SCUBE1: variants seen among roughly 807,000 people sequenced by gnomAD.
The protein encoded by SCUBE1 is signal peptide, CUB and EGF-like domain-containing protein 1.
Under a neutral mutation model 124.4 loss-of-function variants are expected in SCUBE1, and 59 were observed. The observed-to-expected ratio is 0.47, with a 90% CI of 0.38 to 0.59. SCUBE1 has a LOEUF of 0.59. Among genes scored for constraint, SCUBE1 ranks in the 20% least tolerant of loss-of-function variants. The pLI is 0.00. For missense variants in SCUBE1, 1,150 were observed against 1,371.2 expected (o/e 0.84, Z 2.55); for synonymous variants, 545 against 550.9 (o/e 0.99, Z 0.15).
intron 10 of SCUBE1, among the ~76,000 whole-genome samples, chr22:43,226,888 G>A (rs1370187375): frequency 6.6e-6 from 1 of 152,080 alleles, no homozygotes; most frequent in Non-Finnish European, 1.5e-5. Context: ...CAGGGACCAT[G>A]GGCTTTCCAG....
Position 43,315,382 on chromosome 22 carries a change from C to A in SCUBE1, c.349+4555G>T, listed in dbSNP as rs538503019. 1.4e-4 allele frequency among the ~76,000 whole-genome samples: 22 copies of A among 152,290 alleles called. 1 individual carries two copies. The South Asian group carries it at 4.4e-3, about 30-fold the overall frequency. On this transcript the variant is annotated intron_variant, in intron 3 of 21. Coordinates refer to ENST00000360835, the MANE Select transcript of SCUBE1 (RefSeq NM_173050.5). Reference sequence around the variant, plus strand: ...GAATTTGAGCCTAAATCTTCAAACTCCAAGCCCAGCTGACTCTTACAGCAT... The same window carrying A: ...GAATTTGAGCCTAAATCTTCAAACTACAAGCCCAGCTGACTCTTACAGCAT...
chr22:43,271,521 G>A (rs1360352520), intron 4 of SCUBE1, among the ~76,000 whole-genome samples: 4 of 152,280 alleles, frequency 2.6e-5, no homozygotes, highest in African/African-American at 9.6e-5. Flanking sequence ...CTGCCGTTCT[G>A]GCTCCCCCTG....
chr22:43,226,228 G>A (rs11705633), intron 10 of SCUBE1, among the ~76,000 whole-genome samples: 11,296 of 152,260 alleles, frequency 0.074, 492 homozygotes, highest in Non-Finnish European at 0.1. Flanking sequence ...TGGACAGACA[G>A]ACAGACATAC....
intron 2 of SCUBE1, among the ~76,000 whole-genome samples, chr22:43,324,412 C>T (rs1436533687): frequency 6.6e-6 from 1 of 152,196 alleles, no homozygotes; most frequent in East Asian, 1.9e-4. Context: ...GAGCATCTCT[C>T]AGAACAACCA....
chr22:43,330,953 G>T (rs5759287), intron 2 of SCUBE1, among the ~76,000 whole-genome samples: 2 of 151,856 alleles, frequency 1.3e-5, no homozygotes, highest in Admixed American at 6.6e-5. Flanking sequence ...TTCTCTCCCC[G>T]CTGAGCCTCC....
chr22:43,252,430 G>A (rs537924112), intron 6 of SCUBE1, among the ~76,000 whole-genome samples: 1 of 152,322 alleles, frequency 6.6e-6, no homozygotes, highest in African/African-American at 2.4e-5. Flanking sequence ...GGGGATCTGA[G>A]CATCCGAGCC....
intron 6 of SCUBE1, among the ~76,000 whole-genome samples, chr22:43,251,054 G>T (rs574048598): frequency 8.5e-5 from 13 of 152,300 alleles, no homozygotes; most frequent in African/African-American, 3.1e-4. Flanking sequence ...CAGGGCTGTG[G>T]GGGAGACTCA....
At chr22:43,239,875 C>T (rs1922933831) in intron 6 of SCUBE1, among the ~76,000 whole-genome samples, 1 of 152,234 alleles carries the variant, frequency 6.6e-6, no homozygotes, top group Non-Finnish European at 1.5e-5. Flanking sequence ...GCCTTGGCAT[C>T]ACCTGGACTC....
chr22:43,261,279 G>A (rs761494396), intron 5 of SCUBE1, among the ~76,000 whole-genome samples: 64 of 152,248 alleles, frequency 4.2e-4, no homozygotes, highest in Admixed American at 2.8e-3. Context: ...GGGGCTGGAG[G>A]CTGGCACTTC....
intron 3 of SCUBE1, among the ~76,000 whole-genome samples, chr22:43,315,612 G>C (rs1926317328): frequency 6.6e-6 from 1 of 152,112 alleles, no homozygotes; most frequent in Non-Finnish European, 1.5e-5. Context: ...GAAAGAGAAA[G>C]CCTGAACAGA....
At chr22:43,274,164 C>T (rs1415851314) in intron 4 of SCUBE1, among the ~76,000 whole-genome samples, 2 of 152,344 alleles carry the variant, frequency 1.3e-5, no homozygotes, top group South Asian at 4.1e-4. Context: ...TCACTCACCT[C>T]CTGAGCTTTA....
chr22:43,300,852 A>G (rs1295581168), intron 3 of SCUBE1, among the ~76,000 whole-genome samples: 1 of 150,922 alleles, frequency 6.6e-6, no homozygotes, highest in African/African-American at 2.4e-5. Flanking sequence ...TTGCCCCCAA[A>G]CCCCCAGGCC....
chr22:43,240,172 CA>C (rs1175069757), intron 6 of SCUBE1, among the ~76,000 whole-genome samples: 2 of 152,226 alleles, frequency 1.3e-5, no homozygotes, highest in East Asian at 3.9e-4. Flanking sequence ...TCCTCATGGT[CA>C]CGGCTGAGCC....
chr22:43,301,184 C>T (rs769071319), intron 3 of SCUBE1, among the ~76,000 whole-genome samples: 8 of 152,278 alleles, frequency 5.3e-5, no homozygotes, highest in Non-Finnish European at 1.0e-4. Flanking sequence ...AACACATTCG[C>T]TCCCCTCCAG....
In SCUBE1 at chr22:43,258,077, C is replaced by A; in HGVS notation, c.727+142G>T. On this transcript the variant is annotated intron_variant, in intron 6 of 21. Coordinates refer to ENST00000360835, the MANE Select transcript of SCUBE1 (RefSeq NM_173050.5). The surrounding 1 kb of genome is among the most constrained non-coding windows in gnomAD (Gnocchi z 5.0). The stretch of plus-strand genomic sequence containing the variant: ...GGGGCGCCGGCCATCCCCGCCATTG[C>A]CATGGGCTTGCCTTTCCTTGTTTCC... 1.4e-6 allele frequency: 1 copy of A among 692,468 alleles called. No individual in the cohort carries two copies. Among genetic ancestry groups the A allele is most frequent in the Non-Finnish European group, 2.5e-6 (1 of 392,200 alleles). 42.9% of individuals were successfully genotyped at this position (692,468 alleles called of 1,614,324 possible).
chr22:43,286,575 G>A (rs1925153058), intron 4 of SCUBE1, among the ~76,000 whole-genome samples: 1 of 152,228 alleles, frequency 6.6e-6, no homozygotes, highest in Admixed American at 6.5e-5. Flanking sequence ...AGGTGGAGGA[G>A]GAGACCATGT....
chr22:43,286,265 A>G (rs1235852200), intron 4 of SCUBE1, among the ~76,000 whole-genome samples: 1 of 152,254 alleles, frequency 6.6e-6, no homozygotes, highest in African/African-American at 2.4e-5. Flanking sequence ...TGACTTGCTC[A>G]AGGTCACGAG....
intron 2 of SCUBE1, among the ~76,000 whole-genome samples, chr22:43,334,802 C>T (rs1927012007): frequency 6.6e-6 from 1 of 152,158 alleles, no homozygotes. Flanking sequence ...TGTTCAAAGG[C>T]TTTAAATACA....
At chr22:43,272,762 T>C (rs1384959348) in intron 4 of SCUBE1, among the ~76,000 whole-genome samples, 3 of 152,218 alleles carry the variant, frequency 2.0e-5, no homozygotes, top group Non-Finnish European at 4.4e-5. Context: ...GCTTTGTGTT[T>C]ACACGCAAGC....
Sources: gnomAD v4.1 joint callset for allele counts (sites outside exome capture counted in the v4.1 genomes callset) on GRCh38, gnomAD v4.1.1 for gene constraint, Gnocchi (gnomAD v3.1) non-coding constraint, MANE v1.5 for transcripts, NCBI Gene and HGNC (gene_info 2026-07-23, HGNC 2026-07-21) for gene names.